The following METTL2B variants were observed in gnomAD, a reference collection of about 807,000 sequenced individuals.
The protein encoded by METTL2B is tRNA N(3)-cytidine methyltransferase METTL2B.
In METTL2B, 28 loss-of-function variants were observed where a neutral mutation model predicts 51.0. The ratio of observed to expected loss-of-function variants is 0.55; its 90% CI spans 0.41 to 0.75. The LOEUF (loss-of-function observed/expected upper bound fraction) is 0.75. Among genes scored for constraint, METTL2B ranks in the 30% least tolerant of loss-of-function variants. The probability of loss-of-function intolerance (pLI) is 0.00; values close to 1 mark genes in which losing one functional copy is unlikely to be tolerated. For missense variants in METTL2B, 313 were observed against 460.7 expected (o/e 0.68, Z 2.93); for synonymous variants, 128 against 166.3 (o/e 0.77, Z 1.77).
intron 6 of METTL2B, among the ~76,000 whole-genome samples, chr7:128,495,524 C>T (rs1490845043): frequency 6.6e-6 from 1 of 152,074 alleles, no homozygotes; most frequent in Admixed American, 6.6e-5. Context: ...GATCTTGGCT[C>T]ACTGCAAGCT....
At chr7:128,486,485 A>C (rs1165720432) in intron 4 of METTL2B, among the ~76,000 whole-genome samples, 1 of 151,790 alleles carries the variant, frequency 6.6e-6, no homozygotes, top group African/African-American at 2.4e-5. Context: ...CTGTAGTCCC[A>C]GCTACTCAGG....
At chr7:128,485,033 C>G (rs1309246878) in intron 4 of METTL2B, among the ~76,000 whole-genome samples, 3 of 152,114 alleles carry the variant, frequency 2.0e-5, no homozygotes, top group Non-Finnish European at 4.4e-5. Flanking sequence ...CCTAAGCAAC[C>G]ACTACTCTAC....
intron 6 of METTL2B, among the ~76,000 whole-genome samples, chr7:128,497,396 G>A (rs1304129069): frequency 1.3e-5 from 2 of 152,196 alleles, no homozygotes; most frequent in Admixed American, 6.6e-5. Flanking sequence ...CTCAGGATTC[G>A]GCTTAGCCAC....
chr7:128,506,188 C>T lies in METTL2B; in HGVS notation c.*4272C>T, dbSNP rs1019305120. On this transcript the variant is annotated 3_prime_UTR_variant, in exon 9 of 9. Transcript: ENST00000262432. The stretch of plus-strand genomic sequence containing the variant: ...AGAGAGCTCCCATCTTTTCCATTAC[C>T]GTATTTACTTAAAACTGGAAAAAAC... 1.3e-4 allele frequency: 20 copies of T among 152,020 alleles called. No individual in the cohort carries two copies. Among genetic ancestry groups the T allele is most frequent in the Admixed American group, 1.1e-3 (17 of 15,238 alleles). 9.4% of individuals were successfully genotyped at this position (152,020 alleles called of 1,614,324 possible). A position where few individuals can be genotyped will look rare whatever the true frequency, so the allele number is the denominator to read the frequency against.
Position 128,479,157 on chromosome 7 carries a change from G to C in METTL2B, c.203-1G>C. ...TAAAATTTTTTCTTAAATATTTACAGTTGATTATGAGATCAATGCCCACAA... is the reference window on the plus strand; with the variant it reads ...TAAAATTTTTTCTTAAATATTTACACTTGATTATGAGATCAATGCCCACAA... On this transcript the variant is annotated splice_acceptor_variant, in intron 2 of 8. Transcript: ENST00000262432. LOFTEE classifies it high-confidence loss of function. 1.9e-6 allele frequency: 3 copies of C among 1,605,238 alleles called. No homozygotes were observed. In the South Asian group the frequency reaches 3.3e-5, roughly 18 times the overall value.
chr7:128,494,774 C>T (rs1208986124), intron 6 of METTL2B, among the ~76,000 whole-genome samples: 1 of 151,060 alleles, frequency 6.6e-6, no homozygotes, highest in African/African-American at 2.4e-5. Flanking sequence ...ATTACAGGCA[C>T]CCGCCACCAT....
chr7:128,478,937 A>G (rs932752452), intron 2 of METTL2B, among the ~76,000 whole-genome samples: 2 of 152,174 alleles, frequency 1.3e-5, no homozygotes, highest in Non-Finnish European at 2.9e-5. Flanking sequence ...TGATTGTTCA[A>G]ACAGAATTTA....
At chr7:128,479,886 C>T (rs144036922) in intron 3 of METTL2B, among the ~76,000 whole-genome samples, 5,217 of 152,272 alleles carry the variant, frequency 0.034, 222 homozygotes, top group East Asian at 0.22. Flanking sequence ...TCTTCTAATA[C>T]AGTTACAGGA....
intron 7 of METTL2B, among the ~76,000 whole-genome samples, chr7:128,500,288 T>C (rs1384440712): frequency 6.6e-6 from 1 of 152,126 alleles, no homozygotes; most frequent in Non-Finnish European, 1.5e-5. Context: ...GTAATGGTTG[T>C]CTCAAGTTTC....
intron 5 of METTL2B, among the ~76,000 whole-genome samples, chr7:128,489,302 G>A (rs1023425020): frequency 6.6e-6 from 1 of 151,718 alleles, no homozygotes; most frequent in Non-Finnish European, 1.5e-5. Flanking sequence ...CAGGCATGGT[G>A]GTGGGCACCT....
intron 5 of METTL2B, among the ~76,000 whole-genome samples, chr7:128,490,646 G>T (rs1174613724): frequency 1.3e-5 from 2 of 152,030 alleles, no homozygotes; most frequent in Non-Finnish European, 2.9e-5. Context: ...TTTGCACGTG[G>T]CCCCAACGTG....
chr7:128,487,999 G>C (rs2116852438), intron 4 of METTL2B, 102 bp from the exon 5 acceptor site: 1 of 1,233,800 alleles, frequency 8.1e-7, no homozygotes, highest in East Asian at 2.4e-5. Flanking sequence ...TTGAATGAAT[G>C]ATAGTTTTTC....
At chr7:128,485,259 G>A (rs879834586) in intron 4 of METTL2B, among the ~76,000 whole-genome samples, 12 of 152,224 alleles carry the variant, frequency 7.9e-5, no homozygotes, top group Middle Eastern at 3.4e-3. Context: ...TAGGCCAGGC[G>A]CAGTGGCCCA....
At chr7:128,484,808 C>G (rs917876439) in intron 4 of METTL2B, among the ~76,000 whole-genome samples, 2 of 152,114 alleles carry the variant, frequency 1.3e-5, no homozygotes, top group African/African-American at 2.4e-5. Flanking sequence ...GTCTCGAACT[C>G]CTGACCTCGT....
intron 8 of METTL2B, 65 bp from the exon 9 acceptor site, chr7:128,501,697 T>G: frequency 1.0e-5 from 16 of 1,596,750 alleles, no homozygotes; most frequent in Non-Finnish European, 1.4e-5. Context: ...TAACAAGGAC[T>G]TAGTAGATAA....
At chr7:128,492,949 T>G (rs75185751) in intron 5 of METTL2B, among the ~76,000 whole-genome samples, 1 of 147,396 alleles carries the variant, frequency 6.8e-6, no homozygotes, top group African/African-American at 2.5e-5. Context: ...CTTATGAATG[T>G]TTTTTTTTTT....
At position 128,489,435 on chromosome 7, in the gene METTL2B, C is replaced by CA. The variant is rs111503975; in HGVS notation, c.669+1286dup. On this transcript the variant is annotated intron_variant, in intron 5 of 8. Coordinates refer to ENST00000262432, the MANE Select transcript of METTL2B (RefSeq NM_018396.3). ...TGGGTGACAGAGTGAGACTCCATCT[C>CA]AAAAAAAAAAAAGGGAGAAAGAAAA... Among the ~76,000 whole-genome samples the CA allele has an allele frequency of 1.3e-4, 18 of 142,026 alleles. No homozygotes were observed. The East Asian group carries it at 2.5e-3, about 20-fold the overall frequency. 93.2% of individuals were successfully genotyped at this position (142,026 alleles called of 152,430 possible). A position where few individuals can be genotyped will look rare whatever the true frequency, so the allele number is the denominator to read the frequency against.
chr7:128,501,820 C>T lies in METTL2B; in HGVS notation c.1041C>T (p.Asp347=). The change falls in exon 9 of 9, where the codon GAC becomes GAT. Residue 347 remains aspartate (D), a synonymous_variant. Transcript: ENST00000262432. ...AGLEKVQNLV[D]RRLQVNRGKQ... is the part of the protein sequence containing the mutation. ...TGGAAAAAGTTCAGAATCTGGTGGA[C>T]CGCCGACTGCAGGTGAACCGAGGGA... 4.3e-6 allele frequency: 7 copies of T among 1,614,186 alleles called. No individual in the cohort carries two copies. Among genetic ancestry groups the T allele is most frequent in the Non-Finnish European group, 5.9e-6 (7 of 1,180,036 alleles).
At chr7:128,490,962 AC>A (rs1486979397) in intron 5 of METTL2B, among the ~76,000 whole-genome samples, 3 of 151,944 alleles carry the variant, frequency 2.0e-5, no homozygotes, top group African/African-American at 7.3e-5. Flanking sequence ...GGAGTTCGAT[AC>A]CAGCCTGACC....
Sources: gnomAD v4.1 joint callset for allele counts (sites outside exome capture counted in the v4.1 genomes callset) on GRCh38, gnomAD v4.1.1 for gene constraint, MANE v1.5 for transcripts, NCBI Gene and HGNC (gene_info 2026-07-23, HGNC 2026-07-21) for gene names.